The following GPC6 variants were observed in gnomAD, a reference collection of about 807,000 sequenced individuals.
GPC6 encodes the protein glypican 6, also known as glypican-6.
Under a neutral mutation model 55.2 loss-of-function variants are expected in GPC6, and 14 were observed. That is an observed-to-expected ratio of 0.25 (90% CI 0.17 to 0.40). GPC6 has a LOEUF of 0.40. Among genes scored for constraint, GPC6 ranks in the 10% least tolerant of loss-of-function variants. The probability of loss-of-function intolerance (pLI) is 1.00; values close to 1 mark genes in which losing one functional copy is unlikely to be tolerated. For synonymous variants in GPC6, 278 were observed against 259.6 expected, an observed-to-expected ratio of 1.07 and a Z score of -0.68; for missense variants, 641 against 708.5, an observed-to-expected ratio of 0.90 and a Z score of 1.08.
intron 4 of GPC6, among the ~76,000 whole-genome samples, chr13:94,092,026 G>A (rs1188738746): frequency 1.3e-5 from 2 of 149,604 alleles, no homozygotes; most frequent in Non-Finnish European, 3.0e-5. Context: ...TGTAAAATGT[G>A]ATATTTTGAG....
chr13:93,365,950 A>C (rs1428058924), intron 1 of GPC6, among the ~76,000 whole-genome samples: 1 of 152,118 alleles, frequency 6.6e-6, no homozygotes, highest in Non-Finnish European at 1.5e-5. Context: ...TTCATGTTCT[A>C]TTCTCCAGCT....
At chr13:94,316,704 G>A (rs1438247670) in intron 6 of GPC6, among the ~76,000 whole-genome samples, 1 of 137,148 alleles carries the variant, frequency 7.3e-6, no homozygotes, top group East Asian at 2.1e-4. Context: ...GCGACAGAGC[G>A]AGACTCCGTC....
At chr13:93,491,766 A>T (rs570861447) in intron 1 of GPC6, among the ~76,000 whole-genome samples, 16 of 128,620 alleles carry the variant, frequency 1.2e-4, no homozygotes, top group Admixed American at 1.1e-3. Context: ...AGCACCATTT[A>T]TTAAATAGGG....
chr13:93,810,496 C>T (rs542800359), intron 2 of GPC6, among the ~76,000 whole-genome samples: 2 of 152,276 alleles, frequency 1.3e-5, no homozygotes, highest in Admixed American at 6.5e-5. Context: ...GCCCATTGAC[C>T]ATATGGCTGC....
chr13:93,668,450 T>C (rs1050208328), intron 2 of GPC6, among the ~76,000 whole-genome samples: 1 of 152,220 alleles, frequency 6.6e-6, no homozygotes, highest in African/African-American at 2.4e-5. Context: ...TGTCCCAATC[T>C]CAGGAACCTA....
chr13:93,699,076 G>A (rs1183690776), intron 2 of GPC6, among the ~76,000 whole-genome samples: 1 of 152,078 alleles, frequency 6.6e-6, no homozygotes, highest in Admixed American at 6.6e-5. Flanking sequence ...GTTCAGCCAG[G>A]AGCTTGAAAA....
intron 1 of GPC6, among the ~76,000 whole-genome samples, chr13:93,465,425 G>A (rs142270286): frequency 2.6e-3 from 397 of 152,202 alleles, no homozygotes; most frequent in Non-Finnish European, 4.4e-3. Flanking sequence ...TAAACTTCTC[G>A]CAGTGTTCCA....
intron 2 of GPC6, among the ~76,000 whole-genome samples, chr13:93,575,515 T>G (rs1397509199): frequency 2.0e-5 from 3 of 152,150 alleles, no homozygotes; most frequent in African/African-American, 7.2e-5. Context: ...TTTACCTGAG[T>G]AACAAGTTCC....
intron 1 of GPC6, among the ~76,000 whole-genome samples, chr13:93,456,799 G>A (rs528039435): frequency 7.2e-5 from 11 of 152,172 alleles, no homozygotes; most frequent in African/African-American, 2.6e-4. Context: ...GGCAATTTCT[G>A]GTGTTCACTG....
At chr13:93,783,310 A>G (rs1312508153) in intron 2 of GPC6, among the ~76,000 whole-genome samples, 2 of 152,158 alleles carry the variant, frequency 1.3e-5, no homozygotes, top group Non-Finnish European at 2.9e-5. Flanking sequence ...TAATAGAATG[A>G]TTTATATTCC....
intron 2 of GPC6, among the ~76,000 whole-genome samples, chr13:93,712,405 G>A (rs1335033859): frequency 5.9e-5 from 9 of 151,634 alleles, no homozygotes; most frequent in African/African-American, 2.2e-4. Flanking sequence ...CGCATCAGTA[G>A]GGTGGGAAAA....
chr13:94,399,672 T>G (rs1246997694), intron 8 of GPC6, among the ~76,000 whole-genome samples: 1 of 152,168 alleles, frequency 6.6e-6, no homozygotes, highest in Non-Finnish European at 1.5e-5. Flanking sequence ...TACCAAGTTA[T>G]CCCCTGCAAA....
At chr13:94,001,410 C>A (rs1320994143) in intron 3 of GPC6, among the ~76,000 whole-genome samples, 1 of 151,996 alleles carries the variant, frequency 6.6e-6, no homozygotes, top group Non-Finnish European at 1.5e-5. Context: ...TTATAAATAT[C>A]TTGAACAATG....
intron 4 of GPC6, among the ~76,000 whole-genome samples, chr13:94,138,950 T>C (rs1444879559): frequency 6.6e-6 from 1 of 151,978 alleles, no homozygotes; most frequent in African/African-American, 2.4e-5. Flanking sequence ...TATACCGGGA[T>C]AAGGAATGTG....
chr13:93,721,487 G>T (rs1883452644), intron 2 of GPC6, among the ~76,000 whole-genome samples: 2 of 151,588 alleles, frequency 1.3e-5, no homozygotes, highest in African/African-American at 4.8e-5. Flanking sequence ...GTGGCAAAAT[G>T]CAAACACAAA....
At chr13:93,362,543 TA>T (rs935860468) in intron 1 of GPC6, among the ~76,000 whole-genome samples, 4 of 152,124 alleles carry the variant, frequency 2.6e-5, no homozygotes, top group African/African-American at 9.7e-5. Flanking sequence ...TGACTTTTAC[TA>T]AAAAACATAA....
rs184039485 is a variant in GPC6, at chr13:94,279,653, A to G, written c.878-6696A>G. ...TTCTCGTATGCTGTCTGTTTATTCTATTGGTTTCAAAGAACTTCTTGATTT... is the reference window on the plus strand; with the variant it reads ...TTCTCGTATGCTGTCTGTTTATTCTGTTGGTTTCAAAGAACTTCTTGATTT... On this transcript the variant is annotated intron_variant, in intron 4 of 8. Coordinates refer to ENST00000377047, the MANE Select transcript of GPC6 (RefSeq NM_005708.5). Among the ~76,000 whole-genome samples, 212 of 151,976 alleles carry G rather than the reference A, an allele frequency of 1.4e-3. 1 individual carries two copies. The highest frequency in any genetic ancestry group is 5.0e-3 in the African/African-American group (209 of 41,480).
Position 93,467,816 on chromosome 13 carries a change from C to A in GPC6, c.161-77447C>A, listed in dbSNP as rs77140700. On this transcript the variant is annotated intron_variant, in intron 1 of 8. Transcript: ENST00000377047. ...ATCTTGCACAGGCTGGTCTCGAATT[C>A]CTAGGCTGAAGTGATTTTCCCGCCA... 1.9e-3 allele frequency among the ~76,000 whole-genome samples: 293 copies of A among 151,908 alleles called. 2 individuals carry two copies. Among genetic ancestry groups the A allele is most frequent in the Non-Finnish European group, 3.5e-3 (236 of 67,956 alleles).
intron 1 of GPC6, among the ~76,000 whole-genome samples, chr13:93,341,432 T>C (rs1226199464): frequency 6.6e-6 from 1 of 152,228 alleles, no homozygotes; most frequent in African/African-American, 2.4e-5. Flanking sequence ...TTTTTAATAA[T>C]GTCCATTCTT....
Sources: allele counts gnomAD v4.1 joint callset (sites outside exome capture counted in the v4.1 genomes callset), GRCh38; gene constraint gnomAD v4.1.1; transcripts MANE v1.5; gene names NCBI Gene and HGNC (gene_info 2026-07-23, HGNC 2026-07-21).